FHIP1A: variants seen among roughly 807,000 people sequenced by gnomAD.
The protein encoded by FHIP1A is FHF complex subunit HOOK-interacting protein 1A.
A neutral mutation model predicts 88.6 loss-of-function variants in FHIP1A; 61 were observed. That is an observed-to-expected ratio of 0.69 (90% confidence interval 0.56 to 0.85). The LOEUF (loss-of-function observed/expected upper bound fraction) is 0.85, where lower values mean the gene tolerates loss of function less well. FHIP1A is among the 40% of genes least tolerant of loss of function. The pLI is 0.00. For missense variants in FHIP1A, 1,154 were observed against 1,273.5 expected, an observed-to-expected ratio of 0.91 and a Z score of 1.43; for synonymous variants, 478 against 496.0, an observed-to-expected ratio of 0.96 and a Z score of 0.48.
chr4:151,458,772 AGGGACT>A (rs1160296920), intron 2 of FHIP1A, among the ~76,000 whole-genome samples: 1 of 152,112 alleles, frequency 6.6e-6, no homozygotes, highest in Non-Finnish European at 1.5e-5. Context: ...TCTGGGCGCA[AGGGACT>A]GTCTTTTGTT....
At chr4:151,432,308 A>G (rs1020921414) in intron 1 of FHIP1A, among the ~76,000 whole-genome samples, 2 of 152,340 alleles carry the variant, frequency 1.3e-5, no homozygotes, top group African/African-American at 4.8e-5. Context: ...CTTGGCACCT[A>G]TGTTGTGCTA....
intron 7 of FHIP1A, among the ~76,000 whole-genome samples, chr4:151,591,594 C>T (rs776190424): frequency 6.6e-6 from 1 of 152,194 alleles, no homozygotes; most frequent in African/African-American, 2.4e-5. Flanking sequence ...CTAATGCTAT[C>T]CCTCCCCTGG....
intron 7 of FHIP1A, 129 bp downstream of exon 7, chr4:151,589,055 C>T: frequency 1.5e-6 from 1 of 686,976 alleles, no homozygotes; most frequent in Non-Finnish European, 2.5e-6. Context: ...GTCTATATTT[C>T]TTAGCAATAT....
At chr4:151,605,537 G>A (rs1735039182) in intron 7 of FHIP1A, among the ~76,000 whole-genome samples, 1 of 152,208 alleles carries the variant, frequency 6.6e-6, no homozygotes, top group Non-Finnish European at 1.5e-5. Flanking sequence ...AAAGACAGAA[G>A]CAAAAAGTCT....
intron 3 of FHIP1A, among the ~76,000 whole-genome samples, chr4:151,497,582 A>G (rs902119131): frequency 3.3e-5 from 5 of 152,218 alleles, no homozygotes; most frequent in Non-Finnish European, 1.5e-5. Flanking sequence ...TTTTGCCTCC[A>G]GAGGATATTT....
At chr4:151,489,063 C>T (rs555501974) in intron 3 of FHIP1A, among the ~76,000 whole-genome samples, 1 of 152,144 alleles carries the variant, frequency 6.6e-6, no homozygotes, top group Non-Finnish European at 1.5e-5. Context: ...TTCACAGACC[C>T]TTTGAAAGAA....
Position 151,669,971 on chromosome 4 carries a change from T to A in FHIP1A, c.*7217T>A, listed in dbSNP as rs968776171. ...TGGAGGGGTGTCCACTTTTTTCTAG[T>A]TCCTCAGCTGCTTCTGGAGCAGTGT... On this transcript the variant is annotated 3_prime_UTR_variant, in exon 14 of 14. Coordinates refer to ENST00000435205, the MANE Select transcript of FHIP1A (RefSeq NM_001109977.3). 6.6e-6 allele frequency: 1 copy of A among 152,164 alleles called. No homozygotes were observed. Among genetic ancestry groups the A allele is most frequent in the Admixed American group, 6.5e-5 (1 of 15,288 alleles). 9.4% of individuals were successfully genotyped at this position (152,164 alleles called of 1,614,324 possible).
intron 5 of FHIP1A, among the ~76,000 whole-genome samples, chr4:151,583,504 A>G (rs772828178): frequency 8.5e-5 from 13 of 152,216 alleles, no homozygotes; most frequent in Non-Finnish European, 1.8e-4. Flanking sequence ...TGAATATTAC[A>G]TATGTGTTAT....
At chr4:151,537,692 T>A (rs1049193421) in intron 3 of FHIP1A, among the ~76,000 whole-genome samples, 2 of 152,228 alleles carry the variant, frequency 1.3e-5, no homozygotes, top group Non-Finnish European at 2.9e-5. Flanking sequence ...GACTTTTGAC[T>A]CATCCCTTAG....
chr4:151,498,126 C>G (rs1161757186), intron 3 of FHIP1A, among the ~76,000 whole-genome samples: 1 of 152,222 alleles, frequency 6.6e-6, no homozygotes, highest in Non-Finnish European at 1.5e-5. Flanking sequence ...TCCCTGATCT[C>G]TCTGATCTAT....
intron 5 of FHIP1A, among the ~76,000 whole-genome samples, 166 bp from the exon 6 acceptor site, chr4:151,586,475 C>T (rs1273790335): frequency 1.3e-5 from 2 of 152,260 alleles, no homozygotes; most frequent in African/African-American, 4.8e-5. Context: ...ACTGTCTTCA[C>T]CTGTTTGCAT....
chr4:151,599,268 G>A (rs1189996931), intron 7 of FHIP1A, among the ~76,000 whole-genome samples: 1 of 152,146 alleles, frequency 6.6e-6, no homozygotes, highest in Non-Finnish European at 1.5e-5. Flanking sequence ...TAAATGGGAC[G>A]GCCCTTATTC....
At chr4:151,549,346 C>A (rs1037258284) in intron 3 of FHIP1A, among the ~76,000 whole-genome samples, 2 of 152,046 alleles carry the variant, frequency 1.3e-5, no homozygotes, top group Non-Finnish European at 2.9e-5. Context: ...CATACTGATT[C>A]TTTGAAGAGA....
At chr4:151,658,176 T>TGTGAC in intron 13 of FHIP1A, among the ~76,000 whole-genome samples, 1 of 152,342 alleles carries the variant, frequency 6.6e-6, no homozygotes, top group Non-Finnish European at 1.5e-5. Context: ...GTGGTAAGTG[T>TGTGAC]GTGACCTGTG....
intron 1 of FHIP1A, among the ~76,000 whole-genome samples, chr4:151,416,232 C>A (rs1732886086): frequency 6.6e-6 from 1 of 152,240 alleles, no homozygotes; most frequent in South Asian, 2.1e-4. Context: ...TTCAGGAATT[C>A]CTGTGGCAAA....
chr4:151,435,137 T>C (rs1054572498), intron 1 of FHIP1A, among the ~76,000 whole-genome samples: 6 of 150,246 alleles, frequency 4.0e-5, no homozygotes, highest in African/African-American at 1.5e-4. Flanking sequence ...CTAGTCTTGC[T>C]ATTTTGAACT....
chr4:151,645,057 G>C (rs536888953), intron 9 of FHIP1A, among the ~76,000 whole-genome samples: 2 of 152,182 alleles, frequency 1.3e-5, no homozygotes, highest in African/African-American at 4.8e-5. Context: ...CCAAGAATCA[G>C]AACAGTCTTG....
chr4:151,626,550 G>A (rs1173794121), intron 7 of FHIP1A, among the ~76,000 whole-genome samples: 1 of 152,010 alleles, frequency 6.6e-6, no homozygotes, highest in African/African-American at 2.4e-5. Flanking sequence ...TTTTCTTTAG[G>A]TTATTTCAGT....
In FHIP1A at chr4:151,649,490, C is replaced by G. The variant is rs181358812; in HGVS notation, c.1449C>G (p.Phe483Leu). The change falls in exon 11 of 14, where the codon TTC becomes TTG. Residue 483 changes from phenylalanine (F) to leucine (L), a missense_variant. Physicochemically the swap from Phe to Leu is conservative, Grantham distance 22 (BLOSUM62 0). Coordinates refer to ENST00000435205, the MANE Select transcript of FHIP1A (RefSeq NM_001109977.3). ...TGGAGCGGCCATTCCCCGAAGCGTT[C>G]TCCGAGTCAGCCTGCATTGTGGAGT... is the stretch of plus-strand genomic sequence containing the variant. The part of the protein sequence containing the change: ...GPVERPFPEA[F>L]SESACIVEYG... The G allele has an allele frequency of 6.4e-7, 1 of 1,551,242 alleles. No individual in the cohort carries two copies. The highest frequency in any genetic ancestry group is 2.4e-5 in the East Asian group (1 of 40,926).
Sources: allele counts gnomAD v4.1 joint callset (sites outside exome capture counted in the v4.1 genomes callset), GRCh38; gene constraint gnomAD v4.1.1; transcripts MANE v1.5; gene names NCBI Gene and HGNC (gene_info 2026-07-23, HGNC 2026-07-21).